The following EBPL variants were observed in gnomAD, a reference collection of about 807,000 sequenced individuals.
The protein encoded by EBPL is emopamil-binding protein-like.
EBPL carries 20 observed loss-of-function variants against 19.0 expected under a neutral mutation model. That is an observed-to-expected ratio of 1.05 (90% confidence interval 0.74 to 1.53). The LOEUF (loss-of-function observed/expected upper bound fraction) is 1.53, where lower values mean the gene tolerates loss of function less well. EBPL is among the 40% of genes most tolerant of loss of function. EBPL has a pLI of 0.00. For missense variants in EBPL, 219 were observed against 261.1 expected (o/e 0.84, Z 1.11); for synonymous variants, 107 against 117.0 (o/e 0.91, Z 0.55).
intron 1 of EBPL, among the ~76,000 whole-genome samples, chr13:49,679,133 G>A (rs1468916297): frequency 6.6e-6 from 1 of 152,128 alleles, no homozygotes; most frequent in Non-Finnish European, 1.5e-5. Flanking sequence ...CTGTGGAATT[G>A]TAGAGAATGG....
At chr13:49,674,528 GTTAA>G (rs989103333) in intron 1 of EBPL, among the ~76,000 whole-genome samples, 6 of 149,896 alleles carry the variant, frequency 4.0e-5, no homozygotes, top group African/African-American at 1.5e-4. Flanking sequence ...AAAATAAAAA[GTTAA>G]TTAAAGAAAC....
At chr13:49,673,962 T>TATACACACAC (rs1555300742) in intron 1 of EBPL, among the ~76,000 whole-genome samples, 1 of 143,270 alleles carries the variant, frequency 7.0e-6, no homozygotes, top group Non-Finnish European at 1.5e-5. Context: ...TGGAACTTAA[T>TATACACACAC]ACACACACAC....
rs746289239 is a variant in EBPL, at chr13:49,660,962, G to A, written c.*6C>T. 18 of 1,604,032 alleles carry A rather than the reference G, an allele frequency of 1.1e-5. No individual in the cohort carries two copies. Among genetic ancestry groups the A allele is most frequent in the Non-Finnish European group, 1.3e-5 (15 of 1,173,690 alleles). Reference sequence around the variant, plus strand: ...GTTAGATAATGGTGTTTATGGTTTTGAAAGTTCACTGAAACTTCTTCACTG... The same window carrying A: ...GTTAGATAATGGTGTTTATGGTTTTAAAAGTTCACTGAAACTTCTTCACTG... On this transcript the variant is annotated 3_prime_UTR_variant, in exon 4 of 4. Transcript: ENST00000242827.
chr13:49,688,383 T>C (rs1594419066), intron 1 of EBPL, among the ~76,000 whole-genome samples: 1 of 152,222 alleles, frequency 6.6e-6, no homozygotes, highest in Admixed American at 6.5e-5. Context: ...AGCTTTCAAT[T>C]TGATGGCAGC....
intron 1 of EBPL, among the ~76,000 whole-genome samples, chr13:49,672,626 G>A (rs1953830176): frequency 6.6e-6 from 1 of 152,162 alleles, no homozygotes; most frequent in Non-Finnish European, 1.5e-5. Flanking sequence ...TAGAAGATGG[G>A]CAAAAGAAAT....
At chr13:49,684,180 G>A (rs1953972892) in intron 1 of EBPL, among the ~76,000 whole-genome samples, 1 of 152,134 alleles carries the variant, frequency 6.6e-6, no homozygotes, top group South Asian at 2.1e-4. Flanking sequence ...TCTATACTAC[G>A]ATTGCAAGGG....
intron 2 of EBPL, among the ~76,000 whole-genome samples, chr13:49,664,167 G>A (rs983841020): frequency 4.6e-5 from 7 of 152,062 alleles, no homozygotes; most frequent in African/African-American, 1.4e-4. Context: ...CAAGAGAATC[G>A]CTTGAACCCA....
chr13:49,668,435 G>A lies in EBPL; in HGVS notation c.241+1342C>T, dbSNP rs532034252. ...AAAAATACAAAAAAATTAGCTAGGC[G>A]TGGTGGCGGGCGCCTGTAGTCCCAG... On this transcript the variant is annotated intron_variant, in intron 2 of 3. Coordinates refer to ENST00000242827, the MANE Select transcript of EBPL (RefSeq NM_032565.5). 49 of 234,862 alleles carry A rather than the reference G, an allele frequency of 2.1e-4. No homozygotes were observed. The East Asian group carries it at 7.4e-3, about 35-fold the overall frequency. 14.5% of individuals were successfully genotyped at this position (234,862 alleles called of 1,614,324 possible).
At chr13:49,678,084 C>T (rs35883425) in intron 1 of EBPL, among the ~76,000 whole-genome samples, 2 of 152,198 alleles carry the variant, frequency 1.3e-5, no homozygotes, top group African/African-American at 4.8e-5. Context: ...CTTATCTGAC[C>T]CCACCCACAT....
At chr13:49,676,114 G>A (rs1025950000) in intron 1 of EBPL, among the ~76,000 whole-genome samples, 40 of 152,290 alleles carry the variant, frequency 2.6e-4, no homozygotes, top group Admixed American at 1.0e-3. Flanking sequence ...TGAAACCACT[G>A]GGCTAGACTG....
At position 49,660,685 on chromosome 13, in the gene EBPL, T is replaced by C. The variant is rs1386316823; in HGVS notation, c.*283A>G. ...ATAACACTGCAGTATTCTAAGATAA[T>C]TGGTTTTACTAATGTGGAACAATTA... On this transcript the variant is annotated 3_prime_UTR_variant, in exon 4 of 4. Coordinates refer to ENST00000242827, the MANE Select transcript of EBPL (RefSeq NM_032565.5). 3 of 296,192 alleles carry C rather than the reference T, an allele frequency of 1.0e-5. No homozygotes were observed. The highest frequency in any genetic ancestry group is 2.2e-5 in the African/African-American group (1 of 45,692). 18.3% of individuals were successfully genotyped at this position (296,192 alleles called of 1,614,324 possible).
chr13:49,691,194 TG>T, intron 1 of EBPL, 59 bp downstream of exon 1: 1 of 1,258,998 alleles, frequency 7.9e-7, no homozygotes. Context: ...CACCCCGCCT[TG>T]CCGCCCCCGC....
chr13:49,688,222 A>G (rs1357438745), intron 1 of EBPL, among the ~76,000 whole-genome samples: 1 of 152,184 alleles, frequency 6.6e-6, no homozygotes, highest in Non-Finnish European at 1.5e-5. Flanking sequence ...CCTTCCAGGT[A>G]GGCTGATGGG....
rs1013009865 is a variant in EBPL at position 49,662,013 on chromosome 13, A to G, written c.381-805T>C. On this transcript the variant is annotated intron_variant, in intron 3 of 3. Coordinates refer to ENST00000242827, the MANE Select transcript of EBPL (RefSeq NM_032565.5). ...ATAATTTTTTCATCCTTTTTTTTTG[A>G]GACAGAGTCTCGCTCTGTCACCTAG... 2.4e-5 allele frequency: 30 copies of G among 1,260,634 alleles called. No individual in the cohort carries two copies. The African/African-American group carries it at 4.2e-4, about 17-fold the overall frequency. 78.1% of individuals were successfully genotyped at this position (1,260,634 alleles called of 1,614,324 possible). A position where few individuals can be genotyped will look rare whatever the true frequency, so the allele number is the denominator to read the frequency against.
intron 2 of EBPL, among the ~76,000 whole-genome samples, chr13:49,666,711 CAA>C (rs35086927): frequency 0.38 from 30,680 of 81,318 alleles, 3,971 homozygotes; most frequent in South Asian, 0.42. Flanking sequence ...GACTCCGTCT[CAA>C]AAAAAAAAAA....
At chr13:49,685,290 C>T (rs953023018) in intron 1 of EBPL, among the ~76,000 whole-genome samples, 4 of 152,108 alleles carry the variant, frequency 2.6e-5, no homozygotes, top group Non-Finnish European at 4.4e-5. Flanking sequence ...CATATCCATA[C>T]ATATAAAATA....
chr13:49,663,050 C>G lies in EBPL; in HGVS notation c.380+7G>C. 1.2e-6 allele frequency: 2 copies of G among 1,613,332 alleles called. No individual in the cohort carries two copies. Among genetic ancestry groups the G allele is most frequent in the Non-Finnish European group, 1.7e-6 (2 of 1,179,968 alleles). ...TCCTTCCAGCAGGACAGAAGAAGGGCACCTACCGGTAATATTTTTCTTTGA... is the reference window on the plus strand; with the variant it reads ...TCCTTCCAGCAGGACAGAAGAAGGGGACCTACCGGTAATATTTTTCTTTGA... On this transcript the variant is annotated splice_region_variant and intron_variant, in intron 3 of 3. Transcript: ENST00000242827.
At chr13:49,667,689 T>C (rs1953752051) in intron 2 of EBPL, among the ~76,000 whole-genome samples, 1 of 152,230 alleles carries the variant, frequency 6.6e-6, no homozygotes, top group African/African-American at 2.4e-5. Flanking sequence ...CTTACTGTGT[T>C]GCCCTGGCTA....
At chr13:49,688,356 AAACTGTCC>A (rs1257873599) in intron 1 of EBPL, among the ~76,000 whole-genome samples, 1 of 152,138 alleles carries the variant, frequency 6.6e-6, no homozygotes, top group African/African-American at 2.4e-5. Context: ...GCTTGGCTTG[AAACTGTCC>A]AACAGGATAG....
Sources: allele counts gnomAD v4.1 joint callset (sites outside exome capture counted in the v4.1 genomes callset), GRCh38; gene constraint gnomAD v4.1.1; transcripts MANE v1.5; gene names NCBI Gene and HGNC (gene_info 2026-07-23, HGNC 2026-07-21).